Variants in TEX22 observed in about 807,000 individuals in gnomAD.
TEX22 encodes testis expressed 22, also known as testis-expressed protein 22.
Under a neutral mutation model 11.3 loss-of-function variants are expected in TEX22, and 16 were observed. The ratio of observed to expected loss-of-function variants is 1.42; its 90% CI spans 0.96 to 2.15. TEX22 has a LOEUF of 2.15. TEX22 is among the 30% of genes most tolerant of loss of function. The probability of loss-of-function intolerance (pLI) is 0.00; values close to 1 mark genes in which losing one functional copy is unlikely to be tolerated. For synonymous variants in TEX22, 97 were observed against 92.3 expected, an observed-to-expected ratio of 1.05 and a Z score of -0.29; for missense variants, 220 against 208.6, an observed-to-expected ratio of 1.05 and a Z score of -0.34.
At chr14:105,400,650 C>T (rs1249880803) in intron 2 of TEX22, among the ~76,000 whole-genome samples, 1 of 152,090 alleles carries the variant, frequency 6.6e-6, no homozygotes, top group Non-Finnish European at 1.5e-5. Context: ...TTTGTAGTTC[C>T]AAGAGATGGA....
intron 2 of TEX22, among the ~76,000 whole-genome samples, chr14:105,406,879 C>G (rs2081661368): frequency 6.6e-6 from 1 of 152,006 alleles, no homozygotes; most frequent in Admixed American, 6.6e-5. Flanking sequence ...TTTAAGCTTT[C>G]AGACCATTTC....
rs1477984399 is a variant in TEX22 at position 105,411,376 on chromosome 14, G to A, written c.159G>A (p.Glu53=). 24 of 1,328,600 alleles carry A rather than the reference G, an allele frequency of 1.8e-5. No individual in the cohort carries two copies. Among genetic ancestry groups the A allele is most frequent in the African/African-American group, 3.1e-5 (2 of 64,986 alleles). The allele number at this position is 1,328,600 out of a possible 1,614,324, so 82.3% of individuals were successfully genotyped here. Reference sequence around the variant, plus strand: ...GCTGCCCTGTCCCCCAGGTGTGCGAGCCGCCGGAACGCAGGCGCCCGGGCC... The same window carrying A: ...GCTGCCCTGTCCCCCAGGTGTGCGAACCGCCGGAACGCAGGCGCCCGGGCC... ...QGLQTQDWVC[E]PPERRRPGRR... The change falls in exon 3 of 4, where the codon GAG becomes GAA. Residue 53 remains glutamate, a synonymous_variant. Transcript: ENST00000451127.
chr14:105,404,829 G>A (rs1555418746), intron 2 of TEX22, among the ~76,000 whole-genome samples: 4 of 152,180 alleles, frequency 2.6e-5, no homozygotes, highest in Admixed American at 1.3e-4. Flanking sequence ...AGTGATGAAA[G>A]GTCTGAAATG....
intron 2 of TEX22, 50 bp from the exon 3 acceptor site, chr14:105,411,318 A>G: frequency 7.9e-7 from 1 of 1,260,076 alleles, no homozygotes; most frequent in Non-Finnish European, 1.0e-6. Context: ...GGGAGCGGCG[A>G]AGGGGAGCTG....
At chr14:105,404,018 C>G (rs587722540) in intron 2 of TEX22, among the ~76,000 whole-genome samples, 1 of 152,228 alleles carries the variant, frequency 6.6e-6, no homozygotes, top group African/African-American at 2.4e-5. Context: ...AGCTTAGCAA[C>G]TTAAAACAGT....
In TEX22 at chr14:105,411,943, A is replaced by C; in HGVS notation, c.*110A>C. On this transcript the variant is annotated 3_prime_UTR_variant, in exon 4 of 4. Coordinates refer to ENST00000451127, the MANE Select transcript of TEX22 (RefSeq NM_001195082.2). ...CCCACCAGGGGGTCACCACCCACCC[A>C]TGTTAGGAAAACAGGCCAGGCAGGA... 1 of 1,138,520 alleles carries C rather than the reference A, an allele frequency of 8.8e-7. No individual in the cohort carries two copies. Among genetic ancestry groups the C allele is most frequent in the Non-Finnish European group, 1.2e-6 (1 of 851,096 alleles). The allele number at this position is 1,138,520 out of a possible 1,614,324, so 70.5% of individuals were successfully genotyped here.
intron 2 of TEX22, among the ~76,000 whole-genome samples, chr14:105,400,683 G>A (rs1376844264): frequency 3.3e-5 from 5 of 152,218 alleles, no homozygotes; most frequent in African/African-American, 9.7e-5. Context: ...GGTAATGGTG[G>A]TTGAGGACAA....
At chr14:105,401,513 A>C (rs1391855820) in intron 2 of TEX22, among the ~76,000 whole-genome samples, 1 of 144,974 alleles carries the variant, frequency 6.9e-6, no homozygotes, top group East Asian at 2.1e-4. Flanking sequence ...GTTCTCACTC[A>C]TAGGTGGGAA....
chr14:105,408,226 TTTTC>T (rs1309609495), intron 2 of TEX22, among the ~76,000 whole-genome samples: 3 of 151,756 alleles, frequency 2.0e-5, no homozygotes, highest in Non-Finnish European at 2.9e-5. Context: ...CGCTGCCTCC[TTTTC>T]TTTCTTTCTT....
chr14:105,401,271 A>G (rs754909502), intron 2 of TEX22, among the ~76,000 whole-genome samples: 7 of 152,254 alleles, frequency 4.6e-5, no homozygotes, highest in Admixed American at 6.5e-5. Flanking sequence ...CCAAGGACAA[A>G]GGAATTTTGA....
rs1374112006 is a variant in TEX22, at chr14:105,413,753, A to G, written c.*1920A>G. On this transcript the variant is annotated 3_prime_UTR_variant, in exon 4 of 4. Transcript: ENST00000451127. The surrounding 1 kb of genome is among the most constrained non-coding windows in gnomAD (Gnocchi z 4.2). ...ACTGAGAGGCACAGGCCTCTCCAAC[A>G]GAGGTGGTGCCGGGACAGGGGCAGT... 2.0e-5 allele frequency: 3 copies of G among 152,266 alleles called. No homozygotes were observed. Among genetic ancestry groups the G allele is most frequent in the African/African-American group, 7.2e-5 (3 of 41,454 alleles). The allele number at this position is 152,266 out of a possible 1,614,324, so 9.4% of individuals were successfully genotyped here. A position where few individuals can be genotyped will look rare whatever the true frequency, so the allele number is the denominator to read the frequency against.
chr14:105,411,148 G>C (rs587769251), intron 2 of TEX22, among the ~76,000 whole-genome samples: 31 of 152,254 alleles, frequency 2.0e-4, no homozygotes, highest in Admixed American at 1.8e-3. Context: ...CAGGTACTGG[G>C]TTGGGCGGTG....
chr14:105,411,922 C>A lies in TEX22; in HGVS notation c.*89C>A. Reference sequence around the variant, plus strand: ...GCCTCTGCGCCTTCTTTGTGCCCCACCAGGGGGTCACCACCCACCCATGTT... The same window carrying A: ...GCCTCTGCGCCTTCTTTGTGCCCCAACAGGGGGTCACCACCCACCCATGTT... On this transcript the variant is annotated 3_prime_UTR_variant, in exon 4 of 4. Transcript: ENST00000451127. 1 of 1,279,066 alleles carries A rather than the reference C, an allele frequency of 7.8e-7. No homozygotes were observed. The highest frequency in any genetic ancestry group is 1.0e-6 in the Non-Finnish European group (1 of 976,312). 79.2% of individuals were successfully genotyped at this position (1,279,066 alleles called of 1,614,324 possible).
At chr14:105,403,717 C>T (rs1353659210) in intron 2 of TEX22, among the ~76,000 whole-genome samples, 1 of 152,216 alleles carries the variant, frequency 6.6e-6, no homozygotes, top group Non-Finnish European at 1.5e-5. Context: ...CCATTGCGCC[C>T]AGCCAGATTT....
Position 105,411,700 on chromosome 14 carries a change from T to C in TEX22, c.320T>C (p.Val107Ala). 6.5e-7 allele frequency: 1 copy of C among 1,531,816 alleles called. No homozygotes were observed. The highest frequency in any genetic ancestry group is 8.7e-7 in the Non-Finnish European group (1 of 1,144,720). 94.9% of individuals were successfully genotyped at this position (1,531,816 alleles called of 1,614,324 possible). A position where few individuals can be genotyped will look rare whatever the true frequency, so the allele number is the denominator to read the frequency against. ...QMVAQLVSED[V>A]DKDVLLPHPL... ...GTAGCCCAGCTGGTGTCGGAGGACG[T>C]GGACAAGGACGTGCTCCTTCCCCAC... Residue 107 changes from valine to alanine, a missense_variant, in exon 4 of 4, where the codon GTG becomes GCG. Transcript: ENST00000451127.
intron 2 of TEX22, among the ~76,000 whole-genome samples, chr14:105,408,097 T>A (rs1428814436): frequency 1.6e-4 from 24 of 152,352 alleles, no homozygotes; most frequent in South Asian, 2.1e-4. Context: ...TTATTTTTTT[T>A]AAATTTTAAA....
intron 3 of TEX22, 28 bp downstream of exon 3, chr14:105,411,524 C>CCCGGGG: frequency 5.4e-6 from 6 of 1,108,996 alleles, no homozygotes; most frequent in Non-Finnish European, 6.6e-6. Context: ...CCTCCCCGCC[C>CCCGGGG]CGTCCCCGCC....
Position 105,399,408 on chromosome 14 carries a change from G to A in TEX22, c.68G>A (p.Arg23Gln). The A allele has an allele frequency of 5.9e-6, 9 of 1,535,838 alleles. No individual in the cohort carries two copies. Among genetic ancestry groups the A allele is most frequent in the Admixed American group, 2.0e-5 (1 of 50,994 alleles). The stretch of plus-strand genomic sequence containing the variant: ...TCGCACCTCTCCCAAGAGCACAGGC[G>A]GCCCCCACTGGGCCTGATAGCAGCC... ...LESHLSQEHR[R>Q]PPLGLIAAWG... is the part of the protein sequence containing the mutation. Residue 23 changes from arginine to glutamine, a missense_variant, in exon 2 of 4, where the codon CGG becomes CAG. Arg to Gln is a conservative substitution (Grantham distance 43). Transcript: ENST00000451127.
intron 2 of TEX22, among the ~76,000 whole-genome samples, chr14:105,409,167 C>A (rs1555419107): frequency 6.6e-6 from 1 of 151,982 alleles, no homozygotes. Flanking sequence ...GCCTTCCCCA[C>A]TCCCTCTCCC....
Sources: allele counts gnomAD v4.1 joint callset (sites outside exome capture counted in the v4.1 genomes callset), GRCh38; gene constraint gnomAD v4.1.1; non-coding constraint Gnocchi (gnomAD v3.1); transcripts MANE v1.5; gene names NCBI Gene and HGNC (gene_info 2026-07-23, HGNC 2026-07-21).